BCAS3: variants seen among roughly 807,000 people sequenced by gnomAD.
The protein encoded by BCAS3 is BCAS4/BCAS3 fusion.
A neutral mutation model predicts 116.1 loss-of-function variants in BCAS3; 53 were observed. The observed-to-expected ratio is 0.46, with a 90% CI of 0.37 to 0.57. The LOEUF is 0.57. BCAS3 is among the 20% of genes least tolerant of loss of function. The pLI is 0.00. For synonymous variants in BCAS3, 391 were observed against 408.2 expected (o/e 0.96, Z 0.51); for missense variants, 917 against 1,165.4 (o/e 0.79, Z 3.10).
chr17:61,326,152 T>C lies in BCAS3; in HGVS notation c.2426-42175T>C, dbSNP rs933704352. 1.3e-5 allele frequency among the ~76,000 whole-genome samples: 2 copies of C among 152,032 alleles called. No homozygotes were observed. Among genetic ancestry groups the C allele is most frequent in the Non-Finnish European group, 2.9e-5 (2 of 67,998 alleles). On this transcript the variant is annotated intron_variant, in intron 22 of 23. Transcript: ENST00000407086. The surrounding 1 kb of genome is among the most constrained non-coding windows in gnomAD (Gnocchi z 5.3). The stretch of plus-strand genomic sequence containing the variant: ...TCTCACAAATTAACATAATTACAAA[T>C]TGTGTGAAGTATAATGAAGGAAAAA...
intron 14 of BCAS3, among the ~76,000 whole-genome samples, chr17:60,972,939 T>A (rs2062055343): frequency 6.6e-6 from 1 of 152,238 alleles, no homozygotes. Context: ...ATCTTTATGA[T>A]AACTCTCTTC....
intron 22 of BCAS3, among the ~76,000 whole-genome samples, chr17:61,330,404 A>C (rs903684013): frequency 2.6e-5 from 4 of 152,144 alleles, no homozygotes; most frequent in Non-Finnish European, 4.4e-5. Context: ...GATTACAGGC[A>C]TGAGCCACCA....
rs535425180 is a variant in BCAS3 at position 61,323,984 on chromosome 17, G to C, written c.2426-44343G>C. The stretch of plus-strand genomic sequence containing the variant: ...TTGGGCGGGAGACGAGGTAAGAACT[G>C]TTAGTGTCTGTGAGATGTTTGGGGA... On this transcript the variant is annotated intron_variant, in intron 22 of 23. Transcript: ENST00000407086. This position sits in a 1 kb window ranked among gnomAD's most constrained non-coding sequence, Gnocchi z 4.6. 2.0e-5 allele frequency among the ~76,000 whole-genome samples: 3 copies of C among 152,362 alleles called. No individual in the cohort carries two copies. Among genetic ancestry groups the C allele is most frequent in the African/African-American group, 7.2e-5 (3 of 41,588 alleles).
intron 2 of BCAS3, 126 bp downstream of exon 2, chr17:60,679,666 A>G: frequency 1.4e-6 from 1 of 734,262 alleles, no homozygotes; most frequent in Non-Finnish European, 2.3e-6. Context: ...TTATGGGATG[A>G]ATAATAATAA....
intron 19 of BCAS3, among the ~76,000 whole-genome samples, chr17:61,043,923 T>C (rs944345076): frequency 1.3e-5 from 2 of 152,026 alleles, no homozygotes; most frequent in East Asian, 1.9e-4. Flanking sequence ...TTGTAGGAGG[T>C]GCTCATTAAA....
chr17:61,283,096 G>A (rs924270018), intron 22 of BCAS3, among the ~76,000 whole-genome samples: 3 of 151,642 alleles, frequency 2.0e-5, no homozygotes, highest in Non-Finnish European at 2.9e-5. Flanking sequence ...TTTGCTCCAC[G>A]TTGCTCCTTT....
At chr17:60,745,996 A>T (rs1431043080) in intron 5 of BCAS3, among the ~76,000 whole-genome samples, 1 of 152,126 alleles carries the variant, frequency 6.6e-6, no homozygotes, top group Non-Finnish European at 1.5e-5. Context: ...AGATTTATAC[A>T]CTTCTAATTT....
intron 13 of BCAS3, among the ~76,000 whole-genome samples, chr17:60,932,331 G>T (rs1475774313): frequency 6.6e-6 from 1 of 152,100 alleles, no homozygotes; most frequent in Non-Finnish European, 1.5e-5. Context: ...AATTACATTG[G>T]ATTGCTTCAT....
chr17:60,951,164 AGTT>A (rs2060809662), intron 14 of BCAS3, among the ~76,000 whole-genome samples: 1 of 152,138 alleles, frequency 6.6e-6, no homozygotes, highest in African/African-American at 2.4e-5. Context: ...AAGATTAAGT[AGTT>A]TTTCAGTAAA....
intron 22 of BCAS3, among the ~76,000 whole-genome samples, chr17:61,322,794 C>CAGAGAGAGAGAGAGAGAG (rs35581770): frequency 9.0e-5 from 9 of 99,688 alleles, no homozygotes; most frequent in East Asian, 5.7e-4. Flanking sequence ...GAGAGAGAGA[C>CAGAGAGAGAGAGAGAGAG]AGAGAGAGAG....
At position 61,227,752 on chromosome 17, in the gene BCAS3, A is replaced by G. The variant is rs1370567149; in HGVS notation, c.2426-140575A>G. ...AATCAGAAACCTGTACTTGAGAAACATAACTTTTTGTGTTATTTATATTTT... is the reference window on the plus strand; with the variant it reads ...AATCAGAAACCTGTACTTGAGAAACGTAACTTTTTGTGTTATTTATATTTT... On this transcript the variant is annotated intron_variant, in intron 22 of 23. Coordinates refer to ENST00000407086, the MANE Select transcript of BCAS3 (RefSeq NM_017679.5). The surrounding 1 kb of genome is among the most constrained non-coding windows in gnomAD (Gnocchi z 6.1). Among the ~76,000 whole-genome samples, 1 of 152,232 alleles carries G rather than the reference A, an allele frequency of 6.6e-6. No homozygotes were observed. The highest frequency in any genetic ancestry group is 1.9e-4 in the East Asian group (1 of 5,200).
chr17:60,976,176 A>G (rs2145372081), intron 14 of BCAS3, among the ~76,000 whole-genome samples: 1 of 149,438 alleles, frequency 6.7e-6, no homozygotes, highest in Non-Finnish European at 1.5e-5. Flanking sequence ...GGCACCTGCC[A>G]CCACACTCGG....
Position 61,332,764 on chromosome 17 carries a change from T to C in BCAS3, c.2426-35563T>C, listed in dbSNP as rs189634497. Among the ~76,000 whole-genome samples the C allele has an allele frequency of 0.011, 1,722 of 152,256 alleles. 16 individuals are homozygous for C. The highest frequency in any genetic ancestry group is 0.02 in the Non-Finnish European group (1,336 of 68,010). On this transcript the variant is annotated intron_variant, in intron 22 of 23. Coordinates refer to ENST00000407086, the MANE Select transcript of BCAS3 (RefSeq NM_017679.5). This position sits in a 1 kb window ranked among gnomAD's most constrained non-coding sequence, Gnocchi z 5.4. ...CTGAATAGCTGGGATTATAGGCGTC[T>C]GCCACCACGCCTGGCTAATTTTTGT... is the stretch of plus-strand genomic sequence containing the variant.
At chr17:61,183,767 G>A (rs16944956) in intron 22 of BCAS3, among the ~76,000 whole-genome samples, 3,965 of 152,314 alleles carry the variant, frequency 0.026, 76 homozygotes, top group Non-Finnish European at 0.038. Flanking sequence ...ATAGAAAGGT[G>A]GCTAAATTTG....
rs897567343 is a variant in BCAS3 at position 61,214,256 on chromosome 17, C to T, written c.2425+129692C>T. Among the ~76,000 whole-genome samples, 1 of 152,040 alleles carries T rather than the reference C, an allele frequency of 6.6e-6. No homozygotes were observed. The highest frequency in any genetic ancestry group is 6.6e-5 in the Admixed American group (1 of 15,246). On this transcript the variant is annotated intron_variant, in intron 22 of 23. Coordinates refer to ENST00000407086, the MANE Select transcript of BCAS3 (RefSeq NM_017679.5). The surrounding 1 kb of genome is among the most constrained non-coding windows in gnomAD (Gnocchi z 4.4). Reference sequence around the variant, plus strand: ...TGGCAGGCACCTGTAATCCCAGCTACTTGGGAGGCCAAGGCAGGGAGAATT... The same window carrying T: ...TGGCAGGCACCTGTAATCCCAGCTATTTGGGAGGCCAAGGCAGGGAGAATT...
intron 15 of BCAS3, among the ~76,000 whole-genome samples, chr17:61,015,505 G>T (rs560787024): frequency 6.6e-6 from 1 of 152,068 alleles, no homozygotes; most frequent in Non-Finnish European, 1.5e-5. Context: ...GCCCAGGCTG[G>T]CCTCAAACTC....
At chr17:61,123,540 G>T (rs1434978537) in intron 22 of BCAS3, among the ~76,000 whole-genome samples, 1 of 151,802 alleles carries the variant, frequency 6.6e-6, no homozygotes, top group East Asian at 1.9e-4. Flanking sequence ...GCCCTATTTG[G>T]TATGGGGCCT....
chr17:60,802,661 G>A (rs142686519), intron 6 of BCAS3, among the ~76,000 whole-genome samples: 2,292 of 152,090 alleles, frequency 0.015, 49 homozygotes, highest in African/African-American at 0.044. Flanking sequence ...GTTTTTTTGA[G>A]ATGGAGTTTC....
At chr17:60,787,392 T>C (rs2046371327) in intron 6 of BCAS3, among the ~76,000 whole-genome samples, 1 of 152,186 alleles carries the variant, frequency 6.6e-6, no homozygotes, top group South Asian at 2.1e-4. Flanking sequence ...TCAATATATC[T>C]TTCCTTTTTA....
Sources: gnomAD v4.1 joint callset for allele counts (sites outside exome capture counted in the v4.1 genomes callset) on GRCh38, gnomAD v4.1.1 for gene constraint, Gnocchi (gnomAD v3.1) non-coding constraint, MANE v1.5 for transcripts, NCBI Gene and HGNC (gene_info 2026-07-23, HGNC 2026-07-21) for gene names.